LTN1: variants seen among roughly 807,000 people sequenced by gnomAD.
The protein encoded by LTN1 is E3 ubiquitin-protein ligase listerin.
In LTN1, 88 loss-of-function variants were observed where a neutral mutation model predicts 201.2. That is an observed-to-expected ratio of 0.44 (90% confidence interval 0.37 to 0.52). LTN1 has a LOEUF of 0.52. Ranked by LOEUF, LTN1 falls within the 20% of genes least tolerant of loss-of-function variation. LTN1 has a pLI of 0.00. For missense variants in LTN1, 1,752 were observed against 2,038.7 expected (o/e 0.86, Z 2.71); for synonymous variants, 645 against 713.5 (o/e 0.90, Z 1.53).
At chr21:28,945,760 T>C in intron 21 of LTN1, 47 bp downstream of exon 21, 1 of 1,542,324 alleles carries the variant, frequency 6.5e-7, no homozygotes, top group Non-Finnish European at 8.8e-7. Flanking sequence ...GATGCAAAAG[T>C]ATGTACAAAA....
At chr21:28,970,794 C>T in intron 7 of LTN1, 52 bp from the exon 8 acceptor site, 1 of 1,388,732 alleles carries the variant, frequency 7.2e-7, no homozygotes, top group Non-Finnish European at 9.8e-7. Flanking sequence ...ACATACTTTT[C>T]TCAATTAAAA....
At chr21:28,936,468 A>G in intron 26 of LTN1, 58 bp downstream of exon 26, 7 of 1,393,222 alleles carry the variant, frequency 5.0e-6, no homozygotes, top group Non-Finnish European at 6.7e-6. Flanking sequence ...GAAAAGTTTA[A>G]TTCAACCTAG....
chr21:28,954,343 A>G (rs2084407435), intron 16 of LTN1, among the ~76,000 whole-genome samples: 1 of 152,136 alleles, frequency 6.6e-6, no homozygotes, highest in African/African-American at 2.4e-5. Flanking sequence ...GCTTACAAAC[A>G]AGACTGATAC....
intron 6 of LTN1, among the ~76,000 whole-genome samples, chr21:28,971,817 A>C (rs2084577472): frequency 1.3e-5 from 2 of 152,206 alleles, no homozygotes; most frequent in Admixed American, 6.5e-5. Flanking sequence ...ATGATCAGTC[A>C]CAAATTCTAT....
chr21:28,956,727 C>T, intron 16 of LTN1, 35 bp downstream of exon 16: 2 of 1,060,544 alleles, frequency 1.9e-6, no homozygotes, highest in Non-Finnish European at 2.6e-6. Flanking sequence ...TTCATTCATG[C>T]ATTATGTTAT....
intron 12 of LTN1, 127 bp from the exon 13 acceptor site, chr21:28,959,824 T>C: frequency 1.3e-6 from 1 of 757,528 alleles, no homozygotes; most frequent in South Asian, 2.0e-5. Flanking sequence ...CAAAATTTTA[T>C]CAACAAATCA....
chr21:28,992,704 G>T, intron 1 of LTN1, 60 bp downstream of exon 1: 1 of 1,597,434 alleles, frequency 6.3e-7, no homozygotes, highest in South Asian at 1.1e-5. Flanking sequence ...GCAACGCGCT[G>T]GGCGGAGCCA....
At chr21:28,955,528 T>C (rs2084417810) in intron 16 of LTN1, among the ~76,000 whole-genome samples, 1 of 152,112 alleles carries the variant, frequency 6.6e-6, no homozygotes, top group African/African-American at 2.4e-5. Context: ...TGCAGCACTA[T>C]TCACAATAGC....
At chr21:28,937,282 T>C (rs921259599) in intron 25 of LTN1, among the ~76,000 whole-genome samples, 21 of 152,320 alleles carry the variant, frequency 1.4e-4, no homozygotes, top group African/African-American at 4.8e-4. Context: ...ATTTTCCACA[T>C]TGACTTTGCA....
intron 23 of LTN1, 23 bp from the exon 24 acceptor site, chr21:28,943,359 T>A (rs2705666): frequency 0.15 from 206,126 of 1,389,022 alleles, 16,644 homozygotes; most frequent in African/African-American, 0.31. Context: ...ACATTATTTT[T>A]AAATATGTGA....
rs2084399193 is a variant in LTN1 at position 28,953,384 on chromosome 21, A to C, written c.3080-8T>G. ...AATAAAGCAGTTCTGCAACTAAAAGAAGAGACAGCACCAAATTATGAAAAG... is the reference window on the plus strand; with the variant it reads ...AATAAAGCAGTTCTGCAACTAAAAGCAGAGACAGCACCAAATTATGAAAAG... On this transcript the variant is annotated splice_region_variant and splice_polypyrimidine_tract_variant and intron_variant, in intron 16 of 29. Transcript: ENST00000361371. 6.4e-7 allele frequency: 1 copy of C among 1,567,608 alleles called. No individual in the cohort carries two copies. Among genetic ancestry groups the C allele is most frequent in the African/African-American group, 1.4e-5 (1 of 72,044 alleles).
At chr21:28,943,217 G>A (rs2084310993) in intron 24 of LTN1, 45 bp downstream of exon 24, 3 of 1,178,342 alleles carry the variant, frequency 2.5e-6, no homozygotes, top group Non-Finnish European at 3.7e-6. Flanking sequence ...TAAGTGAGAT[G>A]GATTATAAGA....
At chr21:28,956,662 A>T (rs1433550782) in intron 16 of LTN1, 100 bp downstream of exon 16, 1 of 601,050 alleles carries the variant, frequency 1.7e-6, no homozygotes, top group Non-Finnish European at 2.6e-6. Flanking sequence ...AAAGCTGAAG[A>T]TTCTTGAATT....
Position 28,964,111 on chromosome 21 carries a change from T to C in LTN1, c.2163+1754A>G, listed in dbSNP as rs1024396004. ...ACCACAAAGGATTTATAATATTACA[T>C]AAACTTAGATGATACAGCAGTGGCA... is the stretch of plus-strand genomic sequence containing the variant. On this transcript the variant is annotated intron_variant, in intron 11 of 29. Transcript: ENST00000361371. Among the ~76,000 whole-genome samples, 3 of 152,190 alleles carry C rather than the reference T, an allele frequency of 2.0e-5. No individual in the cohort carries two copies. In the East Asian group the frequency reaches 5.8e-4, roughly 29 times the overall value.
intron 17 of LTN1, among the ~76,000 whole-genome samples, 185 bp downstream of exon 17, chr21:28,953,032 T>C (rs1312498108): frequency 6.6e-6 from 1 of 152,232 alleles, no homozygotes. Flanking sequence ...AATACAAATA[T>C]CTTCCCCTGA....
chr21:28,965,992 A>G, intron 10 of LTN1, 86 bp from the exon 11 acceptor site: 1 of 834,072 alleles, frequency 1.2e-6, no homozygotes, highest in Admixed American at 2.8e-5. Flanking sequence ...AGGCTAGTCT[A>G]GAACTCATGG....
At chr21:28,971,238 C>A in intron 7 of LTN1, 33 bp downstream of exon 7, 2 of 1,519,646 alleles carry the variant, frequency 1.3e-6, no homozygotes, top group African/African-American at 1.4e-5. Context: ...TAGGTTCATT[C>A]CTCAGTGTAC....
chr21:28,954,571 TA>T (rs1201291330), intron 16 of LTN1, among the ~76,000 whole-genome samples: 1 of 152,132 alleles, frequency 6.6e-6, no homozygotes, highest in Non-Finnish European at 1.5e-5. Context: ...GGTATTTGTA[TA>T]AAAACAGACA....
intron 10 of LTN1, 79 bp from the exon 11 acceptor site, chr21:28,965,985 C>A: frequency 5.5e-6 from 5 of 903,054 alleles, no homozygotes; most frequent in Non-Finnish European, 3.4e-6. Flanking sequence ...GTTGCCCAGG[C>A]TAGTCTAGAA....
Sources: gnomAD v4.1 joint callset for allele counts (sites outside exome capture counted in the v4.1 genomes callset) on GRCh38, gnomAD v4.1.1 for gene constraint, MANE v1.5 for transcripts, NCBI Gene and HGNC (gene_info 2026-07-23, HGNC 2026-07-21) for gene names.